The following CUL3 variants were observed in gnomAD, a reference collection of about 807,000 sequenced individuals.
CUL3 encodes cullin 3.
CUL3 carries 19 observed loss-of-function variants against 89.1 expected under a neutral mutation model. That is an observed-to-expected ratio of 0.21 (90% CI 0.15 to 0.31). CUL3 has a LOEUF of 0.31. Ranked by LOEUF, CUL3 falls within the 10% of genes least tolerant of loss-of-function variation. CUL3 has a pLI of 1.00. For missense variants in CUL3, 469 were observed against 942.3 expected, an observed-to-expected ratio of 0.50 and a Z score of 6.58; for synonymous variants, 351 against 308.4, an observed-to-expected ratio of 1.14 and a Z score of -1.45.
At chr2:224,582,053 C>G (rs1396607795) in intron 1 of CUL3, among the ~76,000 whole-genome samples, 1 of 152,104 alleles carries the variant, frequency 6.6e-6, no homozygotes, top group African/African-American at 2.4e-5. Flanking sequence ...CAACCTCGGC[C>G]TTACAGGTTC....
intron 2 of CUL3, among the ~76,000 whole-genome samples, chr2:224,542,083 C>T (rs1694130147): frequency 6.6e-6 from 1 of 151,954 alleles, no homozygotes; most frequent in Non-Finnish European, 1.5e-5. Context: ...AAAATTGGGC[C>T]CTGTTTCCTT....
intron 2 of CUL3, among the ~76,000 whole-genome samples, chr2:224,554,708 T>C (rs1694639317): frequency 6.6e-6 from 1 of 152,222 alleles, no homozygotes; most frequent in Non-Finnish European, 1.5e-5. Context: ...TAGCACACAG[T>C]AAATGCTAAA....
At chr2:224,504,085 G>A (rs1692497372) in intron 8 of CUL3, 1 of 294,226 alleles carries the variant, frequency 3.4e-6, no homozygotes, top group Non-Finnish European at 6.3e-6. Flanking sequence ...GGAGGCATAA[G>A]GTAATATAGC....
chr2:224,504,054 G>T (rs753567194), intron 8 of CUL3: 1 of 370,782 alleles, frequency 2.7e-6, no homozygotes, highest in Non-Finnish European at 4.9e-6. Context: ...ATTCTATTCC[G>T]TAGAGGGCTA....
At position 224,477,680 on chromosome 2, in the gene CUL3, C is replaced by T. The variant is rs147083054; in HGVS notation, c.2175+520G>A. ...TCATTCAAGCCAGAAACCTAAACGG[C>T]GTCTTCAACTTCTCCCTCTCACTTC... On this transcript the variant is annotated intron_variant, in intron 15 of 15. Coordinates refer to ENST00000264414, the MANE Select transcript of CUL3 (RefSeq NM_003590.5). Among the ~76,000 whole-genome samples, 91 of 152,246 alleles carry T rather than the reference C, an allele frequency of 6.0e-4. 1 individual carries two copies. The East Asian group carries it at 0.014, about 24-fold the overall frequency.
chr2:224,572,235 T>C (rs1224004256), intron 1 of CUL3, among the ~76,000 whole-genome samples: 2 of 152,180 alleles, frequency 1.3e-5, no homozygotes, highest in East Asian at 1.9e-4. Flanking sequence ...TCTAGACCCC[T>C]GTTTGCTCAT....
chr2:224,527,049 G>A (rs1266066156), intron 3 of CUL3, among the ~76,000 whole-genome samples: 5 of 152,210 alleles, frequency 3.3e-5, no homozygotes, highest in Admixed American at 6.5e-5. Context: ...AAAAGATGCC[G>A]GGGTACTGGA....
chr2:224,495,401 T>TTTTTTAG, intron 13 of CUL3: 1 of 153,724 alleles, frequency 6.5e-6, no homozygotes, highest in East Asian at 1.9e-4. Flanking sequence ...TGATTCCATT[T>TTTTTTAG]ACATGAAAGT....
intron 1 of CUL3, among the ~76,000 whole-genome samples, chr2:224,572,114 G>A (rs1334421698): frequency 6.6e-6 from 1 of 152,134 alleles, no homozygotes; most frequent in East Asian, 1.9e-4. Flanking sequence ...ACGGCTACAT[G>A]TTTGTTTCAG....
At chr2:224,505,140 T>C (rs1234509912) in intron 8 of CUL3, among the ~76,000 whole-genome samples, 2 of 149,032 alleles carry the variant, frequency 1.3e-5, no homozygotes, top group African/African-American at 4.9e-5. Context: ...GTTGTTCAGT[T>C]TTTTTTTTTT....
rs773965228 is a variant in CUL3 at position 224,503,772 on chromosome 2, A to G, written c.1257T>C (p.Phe419=). 2 of 1,603,798 alleles carry G rather than the reference A, an allele frequency of 1.2e-6. No homozygotes were observed. The highest frequency in any genetic ancestry group is 8.5e-7 in the Non-Finnish European group (1 of 1,176,654). The part of the protein sequence containing the change: ...ETILDKAMVL[F]RFMQEKDVFE... ...ATACATCTTTTTCTTGCATAAACCT[A>G]AAAAGGACCATTGCTTTATCCAATA... Residue 419 remains phenylalanine, a synonymous_variant, in exon 9 of 16, where the codon TTT becomes TTC. Transcript: ENST00000264414.
intron 1 of CUL3, among the ~76,000 whole-genome samples, chr2:224,582,757 C>A (rs1695470472): frequency 6.6e-6 from 1 of 152,196 alleles, no homozygotes; most frequent in African/African-American, 2.4e-5. Context: ...TCTCCCACCT[C>A]TTCTCCCCAA....
intron 3 of CUL3, among the ~76,000 whole-genome samples, chr2:224,532,337 G>A (rs998607154): frequency 3.3e-5 from 5 of 152,048 alleles, no homozygotes; most frequent in African/African-American, 1.2e-4. Context: ...CATTGAAGGA[G>A]GAGGAGAGGC....
In CUL3 at chr2:224,474,147, T is replaced by C. The variant is rs547491595; in HGVS notation, c.*98A>G. The stretch of plus-strand genomic sequence containing the variant: ...GTCTAGAACATGTACTGTAATTTAA[T>C]AGAAGAGATGGTCGTCTTAATATTT... On this transcript the variant is annotated 3_prime_UTR_variant, in exon 16 of 16. Transcript: ENST00000264414. 263 of 1,264,002 alleles carry C rather than the reference T, an allele frequency of 2.1e-4. No homozygotes were observed. The highest frequency in any genetic ancestry group is 2.8e-4 in the Non-Finnish European group (254 of 913,066). 78.3% of individuals were successfully genotyped at this position (1,264,002 alleles called of 1,614,324 possible).
In CUL3 at chr2:224,585,203, G is replaced by A; in HGVS notation, c.-194C>T. ...GCGGCGGCGGCGGCGGCGGCGGCTC[G>A]GACTCTGGCGACTCCGATGCGGCTG... On this transcript the variant is annotated 5_prime_UTR_variant, in exon 1 of 16. Coordinates refer to ENST00000264414, the MANE Select transcript of CUL3 (RefSeq NM_003590.5). 1 of 338,130 alleles carries A rather than the reference G, an allele frequency of 3.0e-6. No individual in the cohort carries two copies. Among genetic ancestry groups the A allele is most frequent in the Non-Finnish European group, 5.1e-6 (1 of 195,076 alleles). 20.9% of individuals were successfully genotyped at this position (338,130 alleles called of 1,614,324 possible). A position where few individuals can be genotyped will look rare whatever the true frequency, so the allele number is the denominator to read the frequency against.
At position 224,495,841 on chromosome 2, in the gene CUL3, G is replaced by A. The variant is rs780831633; in HGVS notation, c.1833C>T (p.Tyr611=). 3.1e-6 allele frequency: 5 copies of A among 1,609,336 alleles called. No individual in the cohort carries two copies. The South Asian group carries it at 3.3e-5, about 11-fold the overall frequency. Residue 611 remains tyrosine (Y), a synonymous_variant, in exon 13 of 16, where the codon TAC becomes TAT. Transcript: ENST00000264414. ...TAACCACAATCCATACCTCAAATGTGTATTTTTCTCTATTATTAAAGAGCA... is the reference window on the plus strand; with the variant it reads ...TAACCACAATCCATACCTCAAATGTATATTTTTCTCTATTATTAAAGAGCA... ...ILMLFNNREK[Y]TFEEIQQETD...
chr2:224,472,766 T>C lies in CUL3; in HGVS notation c.*1479A>G. 5.1e-6 allele frequency: 1 copy of C among 196,850 alleles called. No individual in the cohort carries two copies. Among genetic ancestry groups the C allele is most frequent in the East Asian group, 8.0e-5 (1 of 12,548 alleles). The allele number at this position is 196,850 out of a possible 1,614,324, so 12.2% of individuals were successfully genotyped here. On this transcript the variant is annotated 3_prime_UTR_variant, in exon 16 of 16. Transcript: ENST00000264414. ...CATGGGGAAAAATATTTATGTGGAGTTTTTAATCCATATTAGAATTCAGTT... is the reference window on the plus strand; with the variant it reads ...CATGGGGAAAAATATTTATGTGGAGCTTTTAATCCATATTAGAATTCAGTT...
rs142049975 is a variant in CUL3 at position 224,534,181 on chromosome 2, A to G, written c.378+1347T>C. Among the ~76,000 whole-genome samples the G allele has an allele frequency of 1.2e-4, 19 of 152,362 alleles. No individual in the cohort carries two copies. The East Asian group carries it at 2.5e-3, about 20-fold the overall frequency. On this transcript the variant is annotated intron_variant, in intron 3 of 15. Coordinates refer to ENST00000264414, the MANE Select transcript of CUL3 (RefSeq NM_003590.5). ...CTTAATGAATCTAGCGTCATTCTAT[A>G]GCACCAAATTTTTTTTAACTGGAAT...
intron 1 of CUL3, among the ~76,000 whole-genome samples, chr2:224,583,942 T>G (rs962081595): frequency 1.9e-4 from 29 of 152,364 alleles, no homozygotes; most frequent in African/African-American, 7.0e-4. Flanking sequence ...ATTTTACTTT[T>G]TAAAATCTTC....
Sources: allele counts gnomAD v4.1 joint callset (sites outside exome capture counted in the v4.1 genomes callset), GRCh38; gene constraint gnomAD v4.1.1; transcripts MANE v1.5; gene names NCBI Gene and HGNC (gene_info 2026-07-23, HGNC 2026-07-21).